DDX10: variants seen among roughly 807,000 people sequenced by gnomAD.
The protein encoded by DDX10 is probable ATP-dependent RNA helicase DDX10.
In DDX10, 74 loss-of-function variants were observed where a neutral mutation model predicts 104.3. The ratio of observed to expected loss-of-function variants is 0.71; its 90% confidence interval spans 0.59 to 0.86. The LOEUF is 0.86. Ranked by LOEUF, DDX10 falls within the 40% of genes least tolerant of loss-of-function variation. The probability of loss-of-function intolerance (pLI) is 0.00; values close to 1 mark genes in which losing one functional copy is unlikely to be tolerated. For missense variants in DDX10, 952 were observed against 1,040.0 expected, an observed-to-expected ratio of 0.92 and a Z score of 1.16; for synonymous variants, 351 against 353.4, an observed-to-expected ratio of 0.99 and a Z score of 0.08.
At chr11:108,864,995 T>G (rs1326137007) in intron 16 of DDX10, among the ~76,000 whole-genome samples, 1 of 152,162 alleles carries the variant, frequency 6.6e-6, no homozygotes, top group Admixed American at 6.5e-5. Context: ...CTAAAACCAA[T>G]GCTGGGATAT....
chr11:108,817,030 T>C (rs1862265235), intron 13 of DDX10, among the ~76,000 whole-genome samples: 2 of 152,230 alleles, frequency 1.3e-5, no homozygotes, highest in Non-Finnish European at 2.9e-5. Flanking sequence ...ACTTTGACTT[T>C]AAGAAAAATG....
At chr11:108,831,188 G>A (rs999078712) in intron 13 of DDX10, among the ~76,000 whole-genome samples, 4 of 152,028 alleles carry the variant, frequency 2.6e-5, no homozygotes, top group Non-Finnish European at 5.9e-5. Flanking sequence ...GGTGGATCAC[G>A]AGGTCAAGAG....
chr11:108,684,498 A>G (rs2094240506), intron 6 of DDX10, among the ~76,000 whole-genome samples: 2 of 148,730 alleles, frequency 1.3e-5, no homozygotes, highest in East Asian at 4.0e-4. Flanking sequence ...ATGGTTTCCA[A>G]TTTCATCCAT....
chr11:108,689,894 G>A (rs1276551794), intron 7 of DDX10, among the ~76,000 whole-genome samples: 1 of 152,168 alleles, frequency 6.6e-6, no homozygotes. Flanking sequence ...TGATGCTGTT[G>A]TCTACTGAAC....
chr11:108,913,120 G>A (rs1863701559), intron 16 of DDX10, among the ~76,000 whole-genome samples: 1 of 152,138 alleles, frequency 6.6e-6, no homozygotes, highest in Non-Finnish European at 1.5e-5. Flanking sequence ...TTTTGCCAAG[G>A]TTAAAGGACA....
chr11:108,940,827 A>G lies in DDX10; in HGVS notation c.*404A>G, dbSNP rs529788810. On this transcript the variant is annotated 3_prime_UTR_variant, in exon 18 of 18. Coordinates refer to ENST00000322536, the MANE Select transcript of DDX10 (RefSeq NM_004398.4). ...TTAAAATTGCTCATGATTTCGACGT[A>G]TTTAATATTTTCAAAGAGACTATGA... 3 of 223,068 alleles carry G rather than the reference A, an allele frequency of 1.3e-5. No individual in the cohort carries two copies. The highest frequency in any genetic ancestry group is 1.4e-3 in the Middle Eastern group (1 of 712). 13.8% of individuals were successfully genotyped at this position (223,068 alleles called of 1,614,324 possible). A position where few individuals can be genotyped will look rare whatever the true frequency, so the allele number is the denominator to read the frequency against.
chr11:108,789,384 C>G (rs1348046362), intron 13 of DDX10, among the ~76,000 whole-genome samples: 2 of 152,152 alleles, frequency 1.3e-5, no homozygotes, highest in African/African-American at 4.8e-5. Context: ...GGAAACAGAT[C>G]TTTAAAAACT....
Position 108,903,314 on chromosome 11 carries a change from G to GTA in DDX10, c.2305-14558_2305-14557insAT, listed in dbSNP as rs1349738596. 1.1e-4 allele frequency among the ~76,000 whole-genome samples: 16 copies of GTA among 152,132 alleles called. No individual in the cohort carries two copies. The East Asian group carries it at 2.9e-3, about 28-fold the overall frequency. On this transcript the variant is annotated intron_variant, in intron 16 of 17. Coordinates refer to ENST00000322536, the MANE Select transcript of DDX10 (RefSeq NM_004398.4). ...CCATATAAGTGGATTCATGCAATAT[G>GTA]TGGTCCTTTGCGATGGGCTTCTTTC...
intron 16 of DDX10, among the ~76,000 whole-genome samples, chr11:108,914,796 T>A (rs763536187): frequency 6.8e-6 from 1 of 146,938 alleles, no homozygotes; most frequent in South Asian, 2.1e-4. Context: ...ATGGTATCAG[T>A]GAATGGAAAA....
intron 16 of DDX10, among the ~76,000 whole-genome samples, chr11:108,901,695 C>T (rs1337224932): frequency 4.6e-5 from 7 of 152,118 alleles, no homozygotes; most frequent in Admixed American, 2.0e-4. Flanking sequence ...AGAAATTTTT[C>T]CTCTGTGGCT....
chr11:108,902,006 G>T lies in DDX10; in HGVS notation c.2305-15867G>T, dbSNP rs544523276. 4.9e-4 allele frequency among the ~76,000 whole-genome samples: 75 copies of T among 152,278 alleles called. 2 individuals are homozygous for T. In the South Asian group the frequency reaches 0.016, roughly 32 times the overall value. On this transcript the variant is annotated intron_variant, in intron 16 of 17. Coordinates refer to ENST00000322536, the MANE Select transcript of DDX10 (RefSeq NM_004398.4). ...TATTTGACAGAATAATGAAAGGACT[G>T]TATTGTTCTTTGTGTAGAAAGATGA...
At chr11:108,855,040 T>C (rs909201414) in intron 16 of DDX10, among the ~76,000 whole-genome samples, 2 of 152,214 alleles carry the variant, frequency 1.3e-5, no homozygotes, top group African/African-American at 4.8e-5. Flanking sequence ...GAAGGTTTGC[T>C]GGGTACCTAA....
intron 13 of DDX10, among the ~76,000 whole-genome samples, chr11:108,782,940 T>C (rs1216478632): frequency 6.6e-6 from 1 of 152,154 alleles, no homozygotes; most frequent in Non-Finnish European, 1.5e-5. Context: ...ATGGTCTGAG[T>C]TTAGGTCATT....
chr11:108,854,656 T>G (rs1862841121), intron 16 of DDX10, among the ~76,000 whole-genome samples: 1 of 152,242 alleles, frequency 6.6e-6, no homozygotes. Context: ...CGTAGCTGTC[T>G]TTCTACCTTG....
chr11:108,695,615 T>G (rs1426152321), intron 9 of DDX10, among the ~76,000 whole-genome samples: 1 of 152,104 alleles, frequency 6.6e-6, no homozygotes, highest in African/African-American at 2.4e-5. Context: ...TTGAAGAAAA[T>G]TTTTTTGTTT....
At chr11:108,831,297 G>A (rs1422065653) in intron 13 of DDX10, among the ~76,000 whole-genome samples, 3 of 151,798 alleles carry the variant, frequency 2.0e-5, no homozygotes, top group East Asian at 1.9e-4. Context: ...CCAGCTATTC[G>A]TGAGGCTGAG....
intron 13 of DDX10, among the ~76,000 whole-genome samples, chr11:108,735,592 T>C (rs1435863064): frequency 2.0e-5 from 3 of 152,094 alleles, no homozygotes; most frequent in Admixed American, 6.6e-5. Flanking sequence ...TCCTCCCCCA[T>C]AGGTAATTTG....
chr11:108,678,276 T>TG (rs756365564), intron 4 of DDX10, 39 bp from the exon 5 acceptor site: 26 of 1,592,448 alleles, frequency 1.6e-5, no homozygotes, highest in Non-Finnish European at 2.0e-5. Context: ...CTGCTGAGAG[T>TG]GATGTGTCTG....
chr11:108,898,033 T>A (rs1464449069), intron 16 of DDX10, among the ~76,000 whole-genome samples: 2 of 152,080 alleles, frequency 1.3e-5, no homozygotes, highest in Admixed American at 1.3e-4. Context: ...CTCCAAAAAG[T>A]TCACTCCCCG....
Sources: gnomAD v4.1 joint callset for allele counts (sites outside exome capture counted in the v4.1 genomes callset) on GRCh38, gnomAD v4.1.1 for gene constraint, MANE v1.5 for transcripts, NCBI Gene and HGNC (gene_info 2026-07-23, HGNC 2026-07-21) for gene names.